The following TBXAS1 variants were observed in gnomAD, a reference collection of about 807,000 sequenced individuals.
TBXAS1 encodes the protein thromboxane A synthase 1.
TBXAS1 carries 48 observed loss-of-function variants against 60.7 expected under a neutral mutation model. The observed-to-expected ratio is 0.79, with a 90% CI of 0.63 to 1.01. The LOEUF is 1.01. TBXAS1 is among the 50% of genes least tolerant of loss of function. The pLI is 0.00. For missense variants in TBXAS1, 685 were observed against 686.3 expected, an observed-to-expected ratio of 1.00 and a Z score of 0.02; for synonymous variants, 287 against 269.7, an observed-to-expected ratio of 1.06 and a Z score of -0.63.
At chr7:140,010,358 A>T (rs192702477) in intron 10 of TBXAS1, among the ~76,000 whole-genome samples, 1 of 152,366 alleles carries the variant, frequency 6.6e-6, no homozygotes, top group Admixed American at 6.5e-5. Context: ...CTCATAAAAG[A>T]AAATCAGAAT....
chr7:140,017,804 T>C lies in TBXAS1; in HGVS notation c.1498T>C (p.Phe500Leu), dbSNP rs571830700. Residue 500 changes from phenylalanine to leucine, a missense_variant, in exon 12 of 13, where the codon TTC becomes CTC. Coordinates refer to ENST00000448866, the MANE Select transcript of TBXAS1 (RefSeq NM_001061.7). ...KLTLLHVLHK[F>L]RFQACPETQV... is the part of the protein sequence containing the mutation. The stretch of plus-strand genomic sequence containing the variant: ...GACACTGCTCCACGTGCTGCACAAG[T>C]TCCGGTTCCAAGCCTGCCCTGAGAC... 1.5e-5 allele frequency: 25 copies of C among 1,613,998 alleles called. No homozygotes were observed. The South Asian group carries it at 2.4e-4, about 16-fold the overall frequency.
chr7:140,017,850 C>T lies in TBXAS1; in HGVS notation c.1527+17C>T, dbSNP rs1287697460. 1 of 1,613,796 alleles carries T rather than the reference C, an allele frequency of 6.2e-7. No individual in the cohort carries two copies. The highest frequency in any genetic ancestry group is 1.3e-5 in the African/African-American group (1 of 74,874). On this transcript the variant is annotated intron_variant, in intron 12 of 12. Coordinates refer to ENST00000448866, the MANE Select transcript of TBXAS1 (RefSeq NM_001061.7). Reference sequence around the variant, plus strand: ...GAGACCCAGGTGAGGCCCCCCTGCTCAGAGGCAGGGGCAGGGGCAGGGGTG... The same window carrying T: ...GAGACCCAGGTGAGGCCCCCCTGCTTAGAGGCAGGGGCAGGGGCAGGGGTG...
chr7:139,961,899 T>C lies in TBXAS1; in HGVS notation c.820-20T>C. 1 of 1,614,180 alleles carries C rather than the reference T, an allele frequency of 6.2e-7. No individual in the cohort carries two copies. The highest frequency in any genetic ancestry group is 1.3e-5 in the African/African-American group (1 of 75,064). On this transcript the variant is annotated intron_variant, in intron 8 of 12. Transcript: ENST00000448866. ...TGACTGTAAGGTCAAAATGTGCATT[T>C]TTCTCCTTTTGTTCCTTAGAGGCGG...
At chr7:139,851,060 C>T (rs1800180079) in intron 1 of TBXAS1, among the ~76,000 whole-genome samples, 1 of 152,200 alleles carries the variant, frequency 6.6e-6, no homozygotes, top group Non-Finnish European at 1.5e-5. Context: ...CTTACTGAGC[C>T]AAAGCATCCC....
At chr7:140,001,532 C>T (rs1036491297) in intron 9 of TBXAS1, among the ~76,000 whole-genome samples, 1 of 152,142 alleles carries the variant, frequency 6.6e-6, no homozygotes, top group African/African-American at 2.4e-5. Flanking sequence ...GCTGGGATTA[C>T]AGGCGCCCAC....
intron 1 of TBXAS1, among the ~76,000 whole-genome samples, chr7:139,867,818 A>AAAAT (rs1381431934): frequency 5.0e-5 from 7 of 139,548 alleles, no homozygotes; most frequent in African/African-American, 2.0e-4. Flanking sequence ...CTCTGCCTCG[A>AAAAT]AAATAAATAA....
chr7:139,810,366 T>A (rs988120471), intron 4 of TBXAS1, among the ~76,000 whole-genome samples: 1 of 152,198 alleles, frequency 6.6e-6, no homozygotes, highest in African/African-American at 2.4e-5. Flanking sequence ...TCTTTGTGAC[T>A]GCTGTGACTG....
At chr7:139,901,909 A>G (rs928726028) in intron 3 of TBXAS1, among the ~76,000 whole-genome samples, 5 of 151,956 alleles carry the variant, frequency 3.3e-5, no homozygotes, top group Admixed American at 6.6e-5. Flanking sequence ...TTTAGAGTTT[A>G]TTAAGCTCCC....
intron 1 of TBXAS1, among the ~76,000 whole-genome samples, chr7:139,830,152 G>C (rs1224474149): frequency 6.6e-6 from 1 of 152,124 alleles, no homozygotes; most frequent in African/African-American, 2.4e-5. Flanking sequence ...TCTGTAGGTC[G>C]AAGGCCTCAT....
rs976395350 is a variant in TBXAS1 at position 139,852,983 on chromosome 7, C to A, written c.90-19252C>A. 3.7e-4 allele frequency among the ~76,000 whole-genome samples: 47 copies of A among 127,722 alleles called. No homozygotes were observed. The highest frequency in any genetic ancestry group is 1.6e-3 in the South Asian group (6 of 3,768). The allele number at this position is 127,722 out of a possible 152,430, so 83.8% of individuals were successfully genotyped here. A position where few individuals can be genotyped will look rare whatever the true frequency, so the allele number is the denominator to read the frequency against. On this transcript the variant is annotated intron_variant, in intron 1 of 12. Coordinates refer to ENST00000448866, the MANE Select transcript of TBXAS1 (RefSeq NM_001061.7). The surrounding 1 kb of genome is among the most constrained non-coding windows in gnomAD (Gnocchi z 4.4). ...ACACACACACACACACACACACACA[C>A]ACACACAGTTGGCCAAAGAAGCAAC...
chr7:139,952,728 T>C, intron 5 of TBXAS1: 1 of 1,479,662 alleles, frequency 6.8e-7, no homozygotes, highest in South Asian at 1.4e-5. Flanking sequence ...ATTTTCCTAT[T>C]AAAAAAAAGA....
chr7:139,887,450 G>A (rs1803199057), intron 3 of TBXAS1, among the ~76,000 whole-genome samples: 1 of 151,970 alleles, frequency 6.6e-6, no homozygotes, highest in Non-Finnish European at 1.5e-5. Context: ...CCCAGGCCCT[G>A]ACAACCACCA....
At position 139,955,571 on chromosome 7, in the gene TBXAS1, G is replaced by T. The variant is rs748558139; in HGVS notation, c.652G>T (p.Glu218Ter). ...PFVKHCKRFF[E>*]FCIPRPILVL... ...TGTGAAACACTGCAAGCGTTTCTTC[G>T]AATTCTGCATCCCCAGACCTATCCT... The change falls in exon 7 of 13, where the codon GAA becomes TAA. Residue 218 changes from glutamate to a stop codon, truncating the protein, a stop_gained. Coordinates refer to ENST00000448866, the MANE Select transcript of TBXAS1 (RefSeq NM_001061.7). LOFTEE classifies it high-confidence loss of function. 1.2e-6 allele frequency: 2 copies of T among 1,614,136 alleles called. No homozygotes were observed. The highest frequency in any genetic ancestry group is 3.3e-5 in the Admixed American group (2 of 60,030).
At chr7:139,785,367 A>G (rs569479837) in intron 3 of TBXAS1, among the ~76,000 whole-genome samples, 1 of 152,198 alleles carries the variant, frequency 6.6e-6, no homozygotes, top group South Asian at 2.1e-4. Context: ...CTGCTACCAA[A>G]TGGAACTCAT....
chr7:139,974,316 C>T (rs1811414012), intron 9 of TBXAS1, among the ~76,000 whole-genome samples: 1 of 152,246 alleles, frequency 6.6e-6, no homozygotes. Context: ...TCACCAGAGG[C>T]AGGCACTGCC....
At chr7:139,868,499 T>G (rs1801587874) in intron 1 of TBXAS1, among the ~76,000 whole-genome samples, 1 of 138,330 alleles carries the variant, frequency 7.2e-6, no homozygotes, top group African/African-American at 3.4e-5. Flanking sequence ...TTATTCATTT[T>G]TTGAGACGGG....
chr7:139,913,035 C>T (rs1446447442), intron 4 of TBXAS1: 1 of 687,304 alleles, frequency 1.5e-6, no homozygotes, highest in East Asian at 2.7e-5. Flanking sequence ...TAATTGGCCA[C>T]TCACCCAAAA....
chr7:139,938,949 C>T (rs184933996), intron 5 of TBXAS1, among the ~76,000 whole-genome samples: 2 of 152,340 alleles, frequency 1.3e-5, no homozygotes, highest in Admixed American at 6.5e-5. Context: ...GACACATTGT[C>T]GTTTCCCAAG....
At chr7:139,892,816 C>T (rs1294454334) in intron 3 of TBXAS1, among the ~76,000 whole-genome samples, 1 of 152,140 alleles carries the variant, frequency 6.6e-6, no homozygotes, top group African/African-American at 2.4e-5. Context: ...AAGCCCCATA[C>T]CTCACCAGCT....
Sources: allele counts gnomAD v4.1 joint callset (sites outside exome capture counted in the v4.1 genomes callset), GRCh38; gene constraint gnomAD v4.1.1; non-coding constraint Gnocchi (gnomAD v3.1); transcripts MANE v1.5; gene names NCBI Gene and HGNC (gene_info 2026-07-23, HGNC 2026-07-21).